The following CDK5RAP3 variants were observed in gnomAD, a reference collection of about 807,000 sequenced individuals.
CDK5RAP3 encodes CDK5 regulatory subunit-associated protein 3.
A neutral mutation model predicts 73.3 loss-of-function variants in CDK5RAP3; 58 were observed. The observed-to-expected ratio is 0.79, with a 90% CI of 0.64 to 0.98. The LOEUF is 0.98. Ranked by LOEUF, CDK5RAP3 falls within the 50% of genes least tolerant of loss-of-function variation. The pLI is 0.00. For missense variants in CDK5RAP3, 525 were observed against 615.8 expected, an observed-to-expected ratio of 0.85 and a Z score of 1.56; for synonymous variants, 224 against 247.5, an observed-to-expected ratio of 0.91 and a Z score of 0.89.
Position 47,979,094 on chromosome 17 carries a change from C to T in CDK5RAP3, c.1077+177C>T, listed in dbSNP as rs2036494162. The T allele has an allele frequency of 1.0e-5, 6 of 595,138 alleles. No individual in the cohort carries two copies. The South Asian group carries it at 1.2e-4, about 12-fold the overall frequency. The allele number at this position is 595,138 out of a possible 1,614,324, so 36.9% of individuals were successfully genotyped here. ...TATTCATCCAGTTACTTATCAGGTA[C>T]CTCCTAGGCACCTGGCACTACCTTA... On this transcript the variant is annotated intron_variant, in intron 11 of 13. Coordinates refer to ENST00000338399, the MANE Select transcript of CDK5RAP3 (RefSeq NM_176096.3).
At chr17:47,970,556 C>A (rs2036236580), upstream of CDK5RAP3, 7 of 949,450 alleles carry the variant, frequency 7.4e-6, no homozygotes, top group Non-Finnish European at 3.3e-6. Flanking sequence ...CTCTTTGGGA[C>A]GTCTCACCGA....
upstream of CDK5RAP3, among the ~76,000 whole-genome samples, chr17:47,968,439 CGAGTAGCT>C (rs1250002568): frequency 3.2e-4 from 48 of 151,164 alleles, 1 homozygote; most frequent in Middle Eastern, 6.8e-3. Flanking sequence ...CGCAGCCTCC[CGAGTAGCT>C]GAGTAGCTGG....
At chr17:47,975,084 G>A in intron 5 of CDK5RAP3, 75 bp from the exon 6 acceptor site, 1 of 1,612,990 alleles carries the variant, frequency 6.2e-7, no homozygotes, top group Non-Finnish European at 8.5e-7. Context: ...CCACCACAAA[G>A]GATGTGTGTG....
chr17:47,970,093 T>G (rs1006940762), upstream of CDK5RAP3, among the ~76,000 whole-genome samples: 1 of 152,156 alleles, frequency 6.6e-6, no homozygotes, highest in South Asian at 2.1e-4. Flanking sequence ...CCAGCCTCCT[T>G]GTCCCCAGTC....
chr17:47,976,803 T>G lies in CDK5RAP3; in HGVS notation c.890T>G (p.Phe297Cys), dbSNP rs2036427278. 1 of 1,608,996 alleles carries G rather than the reference T, an allele frequency of 6.2e-7. No homozygotes were observed. Among genetic ancestry groups the G allele is most frequent in the African/African-American group, 1.3e-5 (1 of 74,760 alleles). ...GCTGCTGGAATCGACTGGGGCATCT[T>G]CCCGGAATCAGATTCAAAGGTGAGG... ...AEAAGIDWGI[F>C]PESDSKDPGG... The change falls in exon 9 of 14, where the codon TTC becomes TGC. Residue 297 changes from phenylalanine to cysteine, a missense_variant. This residue lies in a region of CDK5RAP3 where 409 missense variants were observed against 429.8 expected (regional missense o/e 0.95). Coordinates refer to ENST00000338399, the MANE Select transcript of CDK5RAP3 (RefSeq NM_176096.3).
intron 8 of CDK5RAP3, 142 bp downstream of exon 8, chr17:47,976,155 GCCCTA>G: frequency 9.4e-7 from 1 of 1,060,674 alleles, no homozygotes; most frequent in Non-Finnish European, 1.3e-6. Context: ...GGCCCAGGAG[GCCCTA>G]CTCCTTTATT....
rs987875979 is a variant in CDK5RAP3 at position 47,981,711 on chromosome 17, GAA to G, written c.*212_*213del. 1 of 1,530,392 alleles carries G rather than the reference GAA, an allele frequency of 6.5e-7. No homozygotes were observed. The highest frequency in any genetic ancestry group is 1.4e-5 in the African/African-American group (1 of 72,952). 94.8% of individuals were successfully genotyped at this position (1,530,392 alleles called of 1,614,324 possible). ...TGATTGGCCCTGTGGTCTATCAGGC[GAA>G]AACCACAGATTCTCCTTCTAGTTAG... On this transcript the variant is annotated 3_prime_UTR_variant, in exon 14 of 14. Coordinates refer to ENST00000338399, the MANE Select transcript of CDK5RAP3 (RefSeq NM_176096.3).
chr17:47,974,037 T>C lies in CDK5RAP3; in HGVS notation c.285+6T>C, dbSNP rs1954869257. On this transcript the variant is annotated splice_donor_region_variant and intron_variant, in intron 4 of 13. Transcript: ENST00000338399. ...ACTCTTCACAGCGGATGAAGGCAAG[T>C]GTGGGCCAAGGGCCGGTAGTATGTG... The C allele has an allele frequency of 1.9e-6, 3 of 1,602,734 alleles. No individual in the cohort carries two copies. The highest frequency in any genetic ancestry group is 2.6e-6 in the Non-Finnish European group (3 of 1,169,652).
rs981833321 is a variant in CDK5RAP3, at chr17:47,971,767, C to T, written c.52+360C>T. ...GGCGAATCACCTGAGGTCAGGAGTT[C>T]GAGACCAGCCTGACCAACATGGAGA... On this transcript the variant is annotated intron_variant, in intron 2 of 13. Coordinates refer to ENST00000338399, the MANE Select transcript of CDK5RAP3 (RefSeq NM_176096.3). 5.3e-5 allele frequency among the ~76,000 whole-genome samples: 8 copies of T among 151,892 alleles called. No homozygotes were observed. The East Asian group carries it at 1.4e-3, about 26-fold the overall frequency.
chr17:47,979,844 G>A (rs1255682285), intron 11 of CDK5RAP3: 3 of 152,224 alleles, frequency 2.0e-5, no homozygotes. Context: ...CTCAAGGGGA[G>A]AGGACAAAAG....
In CDK5RAP3 at chr17:47,975,157, A is replaced by G. The variant is rs780990816; in HGVS notation, c.335-2A>G. On this transcript the variant is annotated splice_acceptor_variant, in intron 5 of 13. Coordinates refer to ENST00000338399, the MANE Select transcript of CDK5RAP3 (RefSeq NM_176096.3). LOFTEE classifies it high-confidence loss of function. ...GGGCTGAATTTCCTGGGCACTTCTC[A>G]GTGGAACTCTCTAGCCTCCTGGTTC... is the stretch of plus-strand genomic sequence containing the variant. 2 of 1,614,122 alleles carry G rather than the reference A, an allele frequency of 1.2e-6. No homozygotes were observed. Among genetic ancestry groups the G allele is most frequent in the East Asian group, 2.2e-5 (1 of 44,862 alleles).
chr17:47,971,029 C>A, upstream of CDK5RAP3: 2 of 1,523,110 alleles, frequency 1.3e-6, no homozygotes, highest in East Asian at 2.5e-5. Flanking sequence ...CGGAAGGCGG[C>A]GACGTGGCCG....
chr17:47,974,242 A>G (rs2036339296), intron 4 of CDK5RAP3, 158 bp from the exon 5 acceptor site: 1 of 776,644 alleles, frequency 1.3e-6, no homozygotes. Context: ...CTGCACTCTT[A>G]AAGTGGGTGG....
At chr17:47,979,184 A>C (rs1234653879) in intron 11 of CDK5RAP3, 2 of 402,442 alleles carry the variant, frequency 5.0e-6, no homozygotes, top group Non-Finnish European at 9.0e-6. Context: ...CTTATATTCT[A>C]ATGGGGAATG....
chr17:47,971,529 C>A, intron 2 of CDK5RAP3, 122 bp downstream of exon 2: 2 of 922,530 alleles, frequency 2.2e-6, no homozygotes, highest in South Asian at 1.7e-5. Flanking sequence ...CCACTGGCCT[C>A]GTTCTATGCC....
chr17:47,978,997 C>T (rs1424682938), intron 11 of CDK5RAP3, 80 bp downstream of exon 11: 1 of 1,042,548 alleles, frequency 9.6e-7, no homozygotes, highest in South Asian at 1.3e-5. Flanking sequence ...TGACCTGACC[C>T]CTCCTGTTTG....
chr17:47,979,195 C>T (rs1283361618), intron 11 of CDK5RAP3: 2 of 354,656 alleles, frequency 5.6e-6, no homozygotes, highest in African/African-American at 2.1e-5. Flanking sequence ...ATGGGGAATG[C>T]AGACTGGAAA....
chr17:47,980,296 A>G (rs1477325083), intron 11 of CDK5RAP3: 4 of 284,780 alleles, frequency 1.4e-5, no homozygotes, highest in African/African-American at 4.4e-5. Flanking sequence ...TTTTAAAAAG[A>G]GTTTCTCTGT....
Position 47,973,604 on chromosome 17 carries a change from G to A in CDK5RAP3, c.138G>A (p.Gln46=). ...GCGAGAAGATCAATGCTGCCATCCAGGACATGCCAGAGAGCGAAGAGATCG... is the reference window on the plus strand; with the variant it reads ...GCGAGAAGATCAATGCTGCCATCCAAGACATGCCAGAGAGCGAAGAGATCG... The part of the protein sequence containing the change: ...TIREKINAAI[Q]DMPESEEIAQ... Residue 46 remains glutamine (Q), a synonymous_variant, in exon 3 of 14, where the codon CAG becomes CAA. Transcript: ENST00000338399. 1 of 1,614,146 alleles carries A rather than the reference G, an allele frequency of 6.2e-7. No homozygotes were observed. The highest frequency in any genetic ancestry group is 8.5e-7 in the Non-Finnish European group (1 of 1,180,030).
Sources: allele counts gnomAD v4.1 joint callset (sites outside exome capture counted in the v4.1 genomes callset), GRCh38; gene constraint gnomAD v4.1.1; regional missense constraint gnomAD v4.1.1; transcripts MANE v1.5; gene names NCBI Gene and HGNC (gene_info 2026-07-23, HGNC 2026-07-21).